Variants in RYR2 observed in about 807,000 individuals in gnomAD.
The protein encoded by RYR2 is cardiac muscle ryanodine receptor-calcium release channel.
A neutral mutation model predicts 601.1 loss-of-function variants in RYR2; 227 were observed. That is an observed-to-expected ratio of 0.38 (90% confidence interval 0.34 to 0.42). RYR2 has a LOEUF of 0.42. Among genes scored for constraint, RYR2 ranks in the 10% least tolerant of loss-of-function variants. RYR2 has a pLI of 1.00. For missense variants in RYR2, 4,646 were observed against 6,156.5 expected, an observed-to-expected ratio of 0.75 and a Z score of 8.21; for synonymous variants, 2,223 against 2,175.1, an observed-to-expected ratio of 1.02 and a Z score of -0.61.
intron 2 of RYR2, among the ~76,000 whole-genome samples, chr1:237,309,680 G>A (rs1270486920): frequency 1.3e-5 from 2 of 152,076 alleles, no homozygotes; most frequent in African/African-American, 2.4e-5. Context: ...TGGAGCAGGG[G>A]GCGGCGCTTG....
intron 29 of RYR2, among the ~76,000 whole-genome samples, chr1:237,572,000 C>T (rs1672749560): frequency 6.6e-6 from 1 of 152,146 alleles, no homozygotes; most frequent in Non-Finnish European, 1.5e-5. Context: ...TGAATTACTA[C>T]TGACCATAGT....
intron 80 of RYR2, among the ~76,000 whole-genome samples, chr1:237,742,738 A>G (rs997886538): frequency 2.0e-5 from 3 of 152,194 alleles, no homozygotes; most frequent in African/African-American, 7.2e-5. Context: ...TCCTGAATAG[A>G]AGTCTTAAAG....
intron 52 of RYR2, among the ~76,000 whole-genome samples, chr1:237,654,784 C>G (rs1018255477): frequency 3.9e-5 from 6 of 152,144 alleles, no homozygotes; most frequent in African/African-American, 1.4e-4. Context: ...AACATGAAAT[C>G]TTATGTAATT....
chr1:237,735,322 A>G (rs1414113501), intron 79 of RYR2, among the ~76,000 whole-genome samples: 1 of 152,208 alleles, frequency 6.6e-6, no homozygotes, highest in East Asian at 1.9e-4. Context: ...GGGAACAGAA[A>G]GATATAAGGT....
intron 10 of RYR2, among the ~76,000 whole-genome samples, chr1:237,413,488 A>G (rs565907081): frequency 5.6e-4 from 86 of 152,314 alleles, no homozygotes; most frequent in Non-Finnish European, 8.2e-4. Context: ...GTATAAATCC[A>G]TATAACTTTA....
At chr1:237,242,191 C>T (rs1176677388) in intron 1 of RYR2, among the ~76,000 whole-genome samples, 1 of 70,934 alleles carries the variant, frequency 1.4e-5, no homozygotes, top group Non-Finnish European at 3.3e-5. Context: ...ATTTTGATCA[C>T]TGTTTTTTTT....
intron 3 of RYR2, among the ~76,000 whole-genome samples, chr1:237,352,097 G>A (rs1255651624): frequency 6.6e-6 from 1 of 151,848 alleles, no homozygotes; most frequent in Non-Finnish European, 1.5e-5. Flanking sequence ...CCTATTCATT[G>A]TAATATTAGT....
chr1:237,723,077 T>G, intron 73 of RYR2, 51 bp from the exon 74 acceptor site: 1 of 1,535,350 alleles, frequency 6.5e-7, no homozygotes, highest in Non-Finnish European at 8.8e-7. Flanking sequence ...GATTGTAACC[T>G]TGTTTTTAGA....
chr1:237,400,888 A>C (rs1703294588), intron 10 of RYR2, among the ~76,000 whole-genome samples: 2 of 152,200 alleles, frequency 1.3e-5, no homozygotes, highest in African/African-American at 4.8e-5. Flanking sequence ...AGGGCTTAGA[A>C]GTGAAGCACA....
intron 101 of RYR2, among the ~76,000 whole-genome samples, chr1:237,821,217 T>C (rs1402870525): frequency 6.6e-6 from 1 of 152,070 alleles, no homozygotes; most frequent in Admixed American, 6.6e-5. Flanking sequence ...CTGACCCCCA[T>C]GTATCCTGAC....
chr1:237,641,499 TTC>T (rs1351224794), intron 47 of RYR2, among the ~76,000 whole-genome samples: 77 of 106,496 alleles, frequency 7.2e-4, no homozygotes, highest in African/African-American at 2.5e-3. Flanking sequence ...CTTTCTTTCT[TTC>T]TTTCTTTCTT....
chr1:237,822,344 T>C (rs1195143524), intron 101 of RYR2, among the ~76,000 whole-genome samples: 2 of 152,186 alleles, frequency 1.3e-5, no homozygotes, highest in Non-Finnish European at 1.5e-5. Flanking sequence ...GTAGAAACTC[T>C]ACAAGCCAGA....
At chr1:237,493,992 A>T (rs1663737598) in intron 19 of RYR2, among the ~76,000 whole-genome samples, 1 of 152,066 alleles carries the variant, frequency 6.6e-6, no homozygotes, top group Non-Finnish European at 1.5e-5. Flanking sequence ...AGACGAAAAA[A>T]CTGGAACTGG....
intron 23 of RYR2, among the ~76,000 whole-genome samples, chr1:237,509,906 A>G (rs1665708743): frequency 6.6e-6 from 1 of 152,232 alleles, no homozygotes; most frequent in Non-Finnish European, 1.5e-5. Context: ...GAGACAGGAC[A>G]TTAGCCATGA....
At chr1:237,456,030 T>C (rs1432486010) in intron 15 of RYR2, among the ~76,000 whole-genome samples, 1 of 152,198 alleles carries the variant, frequency 6.6e-6, no homozygotes, top group Non-Finnish European at 1.5e-5. Flanking sequence ...AATAAGTTAA[T>C]TGGTTTAGAT....
intron 62 of RYR2, 88 bp from the exon 63 acceptor site, chr1:237,687,367 T>A: frequency 8.0e-6 from 2 of 250,808 alleles, no homozygotes; most frequent in Non-Finnish European, 1.2e-5. Flanking sequence ...TTTCTTCTTC[T>A]TTTTTTTTTT....
intron 1 of RYR2, among the ~76,000 whole-genome samples, chr1:237,115,461 G>T (rs1048375839): frequency 2.0e-5 from 3 of 152,172 alleles, no homozygotes; most frequent in Admixed American, 6.5e-5. Context: ...CCAACACAAA[G>T]GAGTAATCAA....
chr1:237,238,304 C>T (rs1685801687), intron 1 of RYR2, among the ~76,000 whole-genome samples: 2 of 152,056 alleles, frequency 1.3e-5, no homozygotes, highest in African/African-American at 4.8e-5. Context: ...TCTTTGAGTC[C>T]ACCTATGACC....
At chr1:237,430,430 T>A (rs975143326) in intron 12 of RYR2, among the ~76,000 whole-genome samples, 2 of 152,078 alleles carry the variant, frequency 1.3e-5, no homozygotes, top group African/African-American at 4.8e-5. Flanking sequence ...TTACAAATAT[T>A]TTTGTAATTA....
Sources: allele counts gnomAD v4.1 joint callset (sites outside exome capture counted in the v4.1 genomes callset), GRCh38; gene constraint gnomAD v4.1.1; transcripts MANE v1.5; gene names NCBI Gene and HGNC (gene_info 2026-07-23, HGNC 2026-07-21).